The following FYCO1 variants were observed in gnomAD, a reference collection of about 807,000 sequenced individuals.
The protein encoded by FYCO1 is FYVE and coiled-coil domain-containing protein 1.
FYCO1 carries 122 observed loss-of-function variants against 165.1 expected under a neutral mutation model. That is an observed-to-expected ratio of 0.74 (90% CI 0.64 to 0.86). The LOEUF is 0.86. FYCO1 is among the 40% of genes least tolerant of loss of function. The pLI is 0.00. For missense variants in FYCO1, 1,702 were observed against 1,810.3 expected (o/e 0.94, Z 1.09); for synonymous variants, 648 against 742.5 (o/e 0.87, Z 2.07).
intron 8 of FYCO1, 73 bp from the exon 9 acceptor site, chr3:45,965,198 C>A (rs916819699): frequency 2.5e-6 from 3 of 1,185,876 alleles, no homozygotes; most frequent in African/African-American, 1.5e-5. Context: ...CCCCCTCACC[C>A]AAACAGATAA....
intron 16 of FYCO1, among the ~76,000 whole-genome samples, chr3:45,924,729 C>T (rs1230235014): frequency 6.6e-6 from 1 of 151,338 alleles, no homozygotes; most frequent in African/African-American, 2.4e-5. Flanking sequence ...TCTCCTTTCT[C>T]AGTGTCCCGA....
In FYCO1 at chr3:45,964,299, A is replaced by G. The variant is rs769320096; in HGVS notation, c.3269+37T>C. The G allele has an allele frequency of 2.6e-5, 38 of 1,478,556 alleles. No homozygotes were observed. Among genetic ancestry groups the G allele is most frequent in the Non-Finnish European group, 3.3e-5 (35 of 1,056,348 alleles). The allele number at this position is 1,478,556 out of a possible 1,614,324, so 91.6% of individuals were successfully genotyped here. A position where few individuals can be genotyped will look rare whatever the true frequency, so the allele number is the denominator to read the frequency against. On this transcript the variant is annotated intron_variant, in intron 10 of 17. Transcript: ENST00000296137. This position sits in a 1 kb window ranked among gnomAD's most constrained non-coding sequence, Gnocchi z 4.1. ...ACGAGACCAAACACTCCTTCCCTGA[A>G]GACTACCGACAGCTACGTAGGTGGA...
intron 16 of FYCO1, among the ~76,000 whole-genome samples, chr3:45,930,548 C>T (rs1703540085): frequency 6.6e-6 from 1 of 152,230 alleles, no homozygotes; most frequent in African/African-American, 2.4e-5. Flanking sequence ...AGTCCGGGCA[C>T]TGTCAACATT....
intron 4 of FYCO1, among the ~76,000 whole-genome samples, chr3:45,979,247 T>C (rs1706925708): frequency 6.6e-6 from 1 of 152,244 alleles, no homozygotes; most frequent in African/African-American, 2.4e-5. Flanking sequence ...CACATCACTG[T>C]TTTAAGAAAT....
intron 8 of FYCO1, 24 bp downstream of exon 8, chr3:45,966,253 C>T: frequency 6.2e-7 from 1 of 1,610,984 alleles, no homozygotes; most frequent in Non-Finnish European, 8.5e-7. Context: ...GGGGTAGAGC[C>T]CAAGTGGTTG....
chr3:45,924,315 C>T (rs910865629), intron 16 of FYCO1, among the ~76,000 whole-genome samples: 19 of 152,178 alleles, frequency 1.2e-4, no homozygotes, highest in Admixed American at 5.2e-4. Flanking sequence ...TTCATCTTCC[C>T]GTGCCTGGGC....
rs1243653997 is a variant in FYCO1 at position 45,993,383 on chromosome 3, T to C, written c.-113+2339A>G. On this transcript the variant is annotated intron_variant, in intron 1 of 17. Transcript: ENST00000296137. This position sits in a 1 kb window ranked among gnomAD's most constrained non-coding sequence, Gnocchi z 4.4. The stretch of plus-strand genomic sequence containing the variant: ...AAGGCAATGGCTCTTATTATGGGGG[T>C]AGTACAGACATTTCAGCCATTTTTG... Among the ~76,000 whole-genome samples, 1 of 152,088 alleles carries C rather than the reference T, an allele frequency of 6.6e-6. No homozygotes were observed. Among genetic ancestry groups the C allele is most frequent in the African/African-American group, 2.4e-5 (1 of 41,396 alleles).
rs1167636303 is a variant in FYCO1, at chr3:45,921,729, T to G, written c.*36A>C. On this transcript the variant is annotated 3_prime_UTR_variant, in exon 18 of 18. Transcript: ENST00000296137. Reference sequence around the variant, plus strand: ...GTGACAGGTGAGGAAGAGCAGTGTTTCCTGTGGATGAAGTGAAGTTACTGA... The same window carrying G: ...GTGACAGGTGAGGAAGAGCAGTGTTGCCTGTGGATGAAGTGAAGTTACTGA... 2 of 1,345,002 alleles carry G rather than the reference T, an allele frequency of 1.5e-6. No individual in the cohort carries two copies. Among genetic ancestry groups the G allele is most frequent in the Admixed American group, 1.7e-5 (1 of 59,716 alleles). The allele number at this position is 1,345,002 out of a possible 1,614,324, so 83.3% of individuals were successfully genotyped here. A position where few individuals can be genotyped will look rare whatever the true frequency, so the allele number is the denominator to read the frequency against.
intron 8 of FYCO1, among the ~76,000 whole-genome samples, chr3:45,966,011 G>A (rs1169495667): frequency 6.6e-6 from 1 of 152,238 alleles, no homozygotes; most frequent in Non-Finnish European, 1.5e-5. Flanking sequence ...ACAAACTTCT[G>A]TGTGGGCTAA....
Position 45,921,706 on chromosome 3 carries a change from G to C in FYCO1, c.*59C>G, listed in dbSNP as rs1703099079. On this transcript the variant is annotated 3_prime_UTR_variant, in exon 18 of 18. Coordinates refer to ENST00000296137, the MANE Select transcript of FYCO1 (RefSeq NM_024513.4). ...GACTTTTTAAAAAAATGCTTTATGT[G>C]ACAGGTGAGGAAGAGCAGTGTTTCC... 12 of 1,137,870 alleles carry C rather than the reference G, an allele frequency of 1.1e-5. No individual in the cohort carries two copies. The highest frequency in any genetic ancestry group is 1.7e-5 in the Admixed American group (1 of 59,418). The allele number at this position is 1,137,870 out of a possible 1,614,324, so 70.5% of individuals were successfully genotyped here.
chr3:45,983,158 C>T (rs1236418078), intron 2 of FYCO1, among the ~76,000 whole-genome samples: 1 of 152,198 alleles, frequency 6.6e-6, no homozygotes, highest in African/African-American at 2.4e-5. Flanking sequence ...AGCAACTGTG[C>T]GTTGGAAAGG....
At chr3:45,930,593 G>A (rs1254302031) in intron 16 of FYCO1, among the ~76,000 whole-genome samples, 1 of 152,138 alleles carries the variant, frequency 6.6e-6, no homozygotes, top group Non-Finnish European at 1.5e-5. Context: ...TTATAAACTG[G>A]TACCTGCCAC....
At chr3:45,977,735 C>G (rs1012822461) in intron 4 of FYCO1, among the ~76,000 whole-genome samples, 9 of 152,094 alleles carry the variant, frequency 5.9e-5, no homozygotes, top group African/African-American at 2.2e-4. Context: ...TACTGAATCT[C>G]CAGAAATGGT....
chr3:45,990,004 T>C (rs1707492244), intron 1 of FYCO1, among the ~76,000 whole-genome samples: 1 of 152,152 alleles, frequency 6.6e-6, no homozygotes, highest in Admixed American at 6.5e-5. Context: ...AATTAAGAAC[T>C]CAACTGGTGC....
intron 6 of FYCO1, among the ~76,000 whole-genome samples, chr3:45,971,370 T>C (rs1014931938): frequency 6.6e-6 from 1 of 152,220 alleles, no homozygotes. Flanking sequence ...TTAAAACTAA[T>C]ACAGGACAGA....
intron 13 of FYCO1, among the ~76,000 whole-genome samples, chr3:45,956,302 C>T (rs919488848): frequency 2.0e-5 from 3 of 151,906 alleles, no homozygotes; most frequent in Non-Finnish European, 4.4e-5. Context: ...TACCACTGCA[C>T]TCCAGCCTGA....
At chr3:45,922,797 G>C (rs534930993) in intron 17 of FYCO1, among the ~76,000 whole-genome samples, 2 of 152,190 alleles carry the variant, frequency 1.3e-5, no homozygotes, top group South Asian at 2.1e-4. Context: ...GTCCTGTCTA[G>C]TTATTCTGCT....
intron 16 of FYCO1, among the ~76,000 whole-genome samples, chr3:45,929,222 C>T (rs1054996316): frequency 5.9e-5 from 9 of 152,216 alleles, no homozygotes; most frequent in East Asian, 1.9e-4. Context: ...ATCCTGTACA[C>T]GGGCCCCTTC....
chr3:45,955,897 T>C (rs1705284026), intron 13 of FYCO1, among the ~76,000 whole-genome samples: 1 of 152,224 alleles, frequency 6.6e-6, no homozygotes, highest in African/African-American at 2.4e-5. Flanking sequence ...CAGCAGGCAC[T>C]GGGTTTCCAA....
Sources: allele counts gnomAD v4.1 joint callset (sites outside exome capture counted in the v4.1 genomes callset), GRCh38; gene constraint gnomAD v4.1.1; non-coding constraint Gnocchi (gnomAD v3.1); transcripts MANE v1.5; gene names NCBI Gene and HGNC (gene_info 2026-07-23, HGNC 2026-07-21).